RTN4: variants seen among roughly 807,000 people sequenced by gnomAD.
The protein encoded by RTN4 is reticulon 4, also known as reticulon-4.
Under a neutral mutation model 90.4 loss-of-function variants are expected in RTN4, and 32 were observed. The ratio of observed to expected loss-of-function variants is 0.35; its 90% CI spans 0.27 to 0.48. The LOEUF is 0.48. Among genes scored for constraint, RTN4 ranks in the 20% least tolerant of loss-of-function variants. The probability of loss-of-function intolerance (pLI) is 0.99; values close to 1 mark genes in which losing one functional copy is unlikely to be tolerated. For missense variants in RTN4, 1,706 were observed against 1,430.2 expected (o/e 1.19, Z -3.11); for synonymous variants, 629 against 552.5 (o/e 1.14, Z -1.94).
intron 3 of RTN4, among the ~76,000 whole-genome samples, chr2:54,997,211 T>C (rs1679498749): frequency 6.6e-6 from 1 of 151,952 alleles, no homozygotes; most frequent in Admixed American, 6.6e-5. Context: ...AATAGACATT[T>C]CTCCAAAGAA....
intron 1 of RTN4, among the ~76,000 whole-genome samples, chr2:55,097,658 T>C (rs1476558844): frequency 1.3e-5 from 2 of 152,118 alleles, no homozygotes; most frequent in Non-Finnish European, 2.9e-5. Flanking sequence ...GATTCTATCT[T>C]GAACACTTTC....
At chr2:55,102,124 T>C (rs990492090) in intron 1 of RTN4, among the ~76,000 whole-genome samples, 1 of 152,170 alleles carries the variant, frequency 6.6e-6, no homozygotes, top group Non-Finnish European at 1.5e-5. Context: ...AGATGAGATA[T>C]TGTTATTTCA....
chr2:55,131,103 G>C, the RTN4 span, among the ~76,000 whole-genome samples: 12 of 152,018 alleles, frequency 7.9e-5, no homozygotes, highest in African/African-American at 2.9e-4. Context: ...TTTGACATAA[G>C]TTCTCACTCT....
At chr2:54,997,352 A>G (rs1679512281) in intron 3 of RTN4, among the ~76,000 whole-genome samples, 1 of 152,228 alleles carries the variant, frequency 6.6e-6, no homozygotes, top group Non-Finnish European at 1.5e-5. Flanking sequence ...AAAGATGAGC[A>G]ATAAAAAGTG....
intron 1 of RTN4, among the ~76,000 whole-genome samples, chr2:55,046,498 A>C (rs1667740174): frequency 6.6e-6 from 1 of 152,106 alleles, no homozygotes; most frequent in Non-Finnish European, 1.5e-5. Context: ...TCACCTTCTA[A>C]GCCTGTCTTA....
At chr2:54,974,153 G>A in intron 6 of RTN4, 2 of 341,224 alleles carry the variant, frequency 5.9e-6, no homozygotes, top group South Asian at 3.6e-5. Context: ...ATTTATGACT[G>A]CACCATCATA....
the RTN4 span, among the ~76,000 whole-genome samples, chr2:55,126,756 C>T: frequency 6.6e-6 from 1 of 152,148 alleles, no homozygotes. Flanking sequence ...TTCACAATAG[C>T]AAAGACATGG....
intron 1 of RTN4, among the ~76,000 whole-genome samples, chr2:55,038,395 T>A (rs1436387949): frequency 6.6e-6 from 1 of 151,978 alleles, no homozygotes; most frequent in Non-Finnish European, 1.5e-5. Context: ...TTTGTATTCA[T>A]AATATATAGA....
chr2:55,032,471 G>A (rs1682386785), intron 1 of RTN4, among the ~76,000 whole-genome samples: 1 of 152,086 alleles, frequency 6.6e-6, no homozygotes, highest in African/African-American at 2.4e-5. Context: ...GGGAATCTTG[G>A]TGGAGAAATA....
chr2:55,086,166 A>G (rs901845611), intron 1 of RTN4, among the ~76,000 whole-genome samples: 3 of 152,246 alleles, frequency 2.0e-5, no homozygotes, highest in Non-Finnish European at 4.4e-5. Context: ...ACAAAGATCA[A>G]GATGCCTAGC....
intron 2 of RTN4, among the ~76,000 whole-genome samples, chr2:55,074,648 T>C (rs1021764235): frequency 3.3e-5 from 5 of 151,406 alleles, no homozygotes; most frequent in Admixed American, 2.6e-4. Context: ...CAGACCAATA[T>C]CCCTGATGAA....
intron 2 of RTN4, among the ~76,000 whole-genome samples, chr2:55,079,741 T>C (rs1281338454): frequency 6.6e-6 from 1 of 152,182 alleles, no homozygotes; most frequent in African/African-American, 2.4e-5. Context: ...TTCTGGACTC[T>C]CCTACATAGG....
At chr2:55,101,983 T>C (rs1667861191) in intron 1 of RTN4, among the ~76,000 whole-genome samples, 1 of 152,142 alleles carries the variant, frequency 6.6e-6, no homozygotes, top group Non-Finnish European at 1.5e-5. Flanking sequence ...AATCTTATTA[T>C]TGTTTTCTAC....
upstream of RTN4, among the ~76,000 whole-genome samples, chr2:55,113,744 G>A (rs1668077846): frequency 6.6e-6 from 1 of 152,152 alleles, no homozygotes; most frequent in Non-Finnish European, 1.5e-5. Context: ...AGAAGGTGAG[G>A]GAGAGGTGAC....
chr2:55,053,815 T>C (rs1354633443), upstream of RTN4, among the ~76,000 whole-genome samples: 2 of 152,204 alleles, frequency 1.3e-5, no homozygotes, highest in Non-Finnish European at 2.9e-5. Context: ...TCCAGCCTGC[T>C]AGAATCATAG....
At chr2:54,995,494 A>C (rs55659423) in intron 3 of RTN4, among the ~76,000 whole-genome samples, 41,574 of 152,044 alleles carry the variant, frequency 0.27, 6,063 homozygotes, top group Non-Finnish European at 0.33. Flanking sequence ...AAGTGCCTTC[A>C]TACTGCATCA....
chr2:54,997,009 A>G (rs1679481588), intron 3 of RTN4, among the ~76,000 whole-genome samples: 1 of 152,254 alleles, frequency 6.6e-6, no homozygotes, highest in Admixed American at 6.5e-5. Context: ...AAGCAGAAAC[A>G]ACAAAAGAAG....
intron 1 of RTN4, among the ~76,000 whole-genome samples, chr2:55,033,097 G>A (rs1016843054): frequency 6.7e-6 from 1 of 149,228 alleles, no homozygotes; most frequent in South Asian, 2.1e-4. Context: ...ACAGAAGTTG[G>A]CATTTTGAAA....
chr2:55,036,623 A>AT (rs1682708915), intron 1 of RTN4, among the ~76,000 whole-genome samples: 1 of 75,412 alleles, frequency 1.3e-5, no homozygotes, highest in African/African-American at 3.4e-5. Flanking sequence ...AAAAAAAAAA[A>AT]ATTAAAAAAA....
Sources: allele counts gnomAD v4.1 joint callset (sites outside exome capture counted in the v4.1 genomes callset), GRCh38; gene constraint gnomAD v4.1.1; transcripts MANE v1.5; gene names NCBI Gene and HGNC (gene_info 2026-07-23, HGNC 2026-07-21).